Variants in GPC1 observed in about 807,000 individuals in gnomAD.
GPC1 encodes the protein glypican 1.
GPC1 carries 26 observed loss-of-function variants against 51.5 expected under a neutral mutation model. The observed-to-expected ratio is 0.50, with a 90% CI of 0.37 to 0.70. The LOEUF (loss-of-function observed/expected upper bound fraction) is 0.70, where lower values mean the gene tolerates loss of function less well. Among genes scored for constraint, GPC1 ranks in the 30% least tolerant of loss-of-function variants. The pLI is 0.00. For synonymous variants in GPC1, 380 were observed against 348.3 expected, an observed-to-expected ratio of 1.09 and a Z score of -1.01; for missense variants, 775 against 800.5, an observed-to-expected ratio of 0.97 and a Z score of 0.38.
rs1010453625 is a variant in GPC1, at chr2:240,448,713, C to T, written c.167-10317C>T. On this transcript the variant is annotated intron_variant, in intron 1 of 8. Transcript: ENST00000264039. This position sits in a 1 kb window ranked among gnomAD's most constrained non-coding sequence, Gnocchi z 4.5. ...CTGGGCTGGGAGCCCTGGGCGTTCT[C>T]GGTGGTGGGCTGTGTGACCAGCAGC... 3.9e-5 allele frequency among the ~76,000 whole-genome samples: 6 copies of T among 152,048 alleles called. No homozygotes were observed. Among genetic ancestry groups the T allele is most frequent in the South Asian group, 2.1e-4 (1 of 4,808 alleles).
chr2:240,458,803 C>T (rs1168797954), intron 1 of GPC1: 1 of 540,080 alleles, frequency 1.9e-6, no homozygotes, highest in Admixed American at 3.3e-5. Context: ...GTAGAGGCAG[C>T]CGTGCTCTTG....
chr2:240,462,483 G>A lies in GPC1; in HGVS notation c.618G>A (p.Pro206=), dbSNP rs748363621. The A allele has an allele frequency of 2.7e-5, 44 of 1,601,042 alleles. No homozygotes were observed. Among genetic ancestry groups the A allele is most frequent in the Non-Finnish European group, 3.1e-5 (36 of 1,175,422 alleles). ...CGCTGCGGCCCTTCGGGGAGGCCCC[G>A]AGAGAGCTGCGCCTGCGGGCCACCC... The part of the protein sequence containing the change: ...AEALRPFGEA[P]RELRLRATRA... Residue 206 remains proline (P), a synonymous_variant, in exon 3 of 9, where the codon CCG becomes CCA. Coordinates refer to ENST00000264039, the MANE Select transcript of GPC1 (RefSeq NM_002081.3).
chr2:240,454,586 G>A (rs982450990), intron 1 of GPC1, among the ~76,000 whole-genome samples: 5 of 152,250 alleles, frequency 3.3e-5, no homozygotes, highest in East Asian at 3.8e-4. Flanking sequence ...GGGGGGCTGC[G>A]GTGCCTGGAG....
Position 240,435,823 on chromosome 2 carries a change from C to A in GPC1, c.-96C>A. On this transcript the variant is annotated 5_prime_UTR_variant, in exon 1 of 9. Transcript: ENST00000264039. ...GGACCGCGAGCCGCGCGCGCCGGGA[C>A]CTTGGCTCTGCCCTTCGCGGGCGGG... The A allele has an allele frequency of 1.2e-6, 1 of 802,872 alleles. No homozygotes were observed. The highest frequency in any genetic ancestry group is 6.1e-5 in the South Asian group (1 of 16,496). The allele number at this position is 802,872 out of a possible 1,614,324, so 49.7% of individuals were successfully genotyped here. A position where few individuals can be genotyped will look rare whatever the true frequency, so the allele number is the denominator to read the frequency against.
intron 1 of GPC1, among the ~76,000 whole-genome samples, chr2:240,443,127 G>A (rs562588910): frequency 3.9e-5 from 6 of 152,386 alleles, no homozygotes; most frequent in Non-Finnish European, 5.9e-5. Flanking sequence ...TGAGGATGCC[G>A]CCGCCTGTGC....
intron 4 of GPC1, 118 bp from the exon 5 acceptor site, chr2:240,464,498 C>A: frequency 7.3e-7 from 1 of 1,370,350 alleles, no homozygotes; most frequent in Non-Finnish European, 1.0e-6. Context: ...ATCTCCCATG[C>A]TGACCCGTGC....
chr2:240,450,711 G>C (rs1434777279), intron 1 of GPC1: 1 of 468,712 alleles, frequency 2.1e-6, no homozygotes, highest in South Asian at 1.6e-5. Flanking sequence ...GGCCATGCTG[G>C]CAGTGGGTCG....
chr2:240,462,080 T>A, intron 2 of GPC1, 111 bp from the exon 3 acceptor site: 1 of 1,063,264 alleles, frequency 9.4e-7, no homozygotes, highest in Non-Finnish European at 1.3e-6. Flanking sequence ...GACTCCGAGG[T>A]CCTCAGAGTG....
At chr2:240,446,657 C>A (rs982239616) in intron 1 of GPC1, among the ~76,000 whole-genome samples, 6 of 152,202 alleles carry the variant, frequency 3.9e-5, no homozygotes, top group African/African-American at 1.4e-4. Flanking sequence ...CCTCGGCCTC[C>A]CATGCTGCCT....
chr2:240,456,122 T>G, intron 1 of GPC1: 1 of 278,718 alleles, frequency 3.6e-6, no homozygotes, highest in African/African-American at 2.4e-5. Flanking sequence ...CTGGGCGAGT[T>G]GGCCGGGCGG....
At chr2:240,440,813 AGCTCCTCCTGGCCG>A (rs2074012597) in intron 1 of GPC1, among the ~76,000 whole-genome samples, 4 of 151,876 alleles carry the variant, frequency 2.6e-5, no homozygotes, top group African/African-American at 9.7e-5. Flanking sequence ...GGTCTTGCCC[AGCTCCTCCTGGCCG>A]TGCCGCCCAG....
rs955788025 is a variant in GPC1 at position 240,448,255 on chromosome 2, G to A, written c.167-10775G>A. Among the ~76,000 whole-genome samples the A allele has an allele frequency of 1.6e-4, 24 of 152,114 alleles. No homozygotes were observed. Among genetic ancestry groups the A allele is most frequent in the Non-Finnish European group, 2.9e-4 (20 of 67,998 alleles). ...TTCCCCTACGGGATGGGGCTGGTTC[G>A]TTCCCCCAGGCTGTCTGCCTCCTGG... On this transcript the variant is annotated intron_variant, in intron 1 of 8. Coordinates refer to ENST00000264039, the MANE Select transcript of GPC1 (RefSeq NM_002081.3). This position sits in a 1 kb window ranked among gnomAD's most constrained non-coding sequence, Gnocchi z 4.5.
chr2:240,439,173 G>T lies in GPC1; in HGVS notation c.166+3089G>T, dbSNP rs561799256. ...GGCACCTGAGCTCCCTGGTCGCTGG[G>T]ACCACCTCTAACTGTTTCCCTGTTG... On this transcript the variant is annotated intron_variant, in intron 1 of 8. Coordinates refer to ENST00000264039, the MANE Select transcript of GPC1 (RefSeq NM_002081.3). Among the ~76,000 whole-genome samples, 201 of 152,204 alleles carry T rather than the reference G, an allele frequency of 1.3e-3. 1 individual carries two copies. Among genetic ancestry groups the T allele is most frequent in the African/African-American group, 4.5e-3 (185 of 41,526 alleles).
intron 3 of GPC1, among the ~76,000 whole-genome samples, chr2:240,462,925 G>C (rs2074228910): frequency 6.6e-6 from 1 of 152,184 alleles, no homozygotes. Flanking sequence ...CAACATGCGT[G>C]GGGGCCGGGC....
chr2:240,464,491 T>G (rs2074243145), intron 4 of GPC1, 125 bp from the exon 5 acceptor site: 1 of 1,306,912 alleles, frequency 7.7e-7, no homozygotes. Context: ...ACGTGGGATC[T>G]CCCATGCTGA....
At chr2:240,461,748 C>T (rs770275196) in intron 2 of GPC1, among the ~76,000 whole-genome samples, 7 of 152,090 alleles carry the variant, frequency 4.6e-5, no homozygotes, top group Non-Finnish European at 8.8e-5. Flanking sequence ...GCGGCTGGGG[C>T]CACGGGGAGC....
intron 8 of GPC1, 48 bp downstream of exon 8, chr2:240,465,696 G>T (rs764161094): frequency 2.6e-6 from 4 of 1,539,078 alleles, no homozygotes; most frequent in African/African-American, 1.4e-5. Context: ...GGTTGGTGGG[G>T]GTGCCACAGG....
intron 1 of GPC1, among the ~76,000 whole-genome samples, chr2:240,445,534 G>A (rs1450263130): frequency 1.3e-5 from 2 of 152,192 alleles, no homozygotes; most frequent in Non-Finnish European, 2.9e-5. Flanking sequence ...ACCACTCAGC[G>A]CCAGGTGCTG....
chr2:240,460,563 C>T (rs1335887213), intron 2 of GPC1, among the ~76,000 whole-genome samples: 1 of 152,174 alleles, frequency 6.6e-6, no homozygotes, highest in East Asian at 1.9e-4. Context: ...CCGCCTGCTT[C>T]CTCCTGGCTC....
Sources: allele counts gnomAD v4.1 joint callset (sites outside exome capture counted in the v4.1 genomes callset), GRCh38; gene constraint gnomAD v4.1.1; non-coding constraint Gnocchi (gnomAD v3.1); transcripts MANE v1.5; gene names NCBI Gene and HGNC (gene_info 2026-07-23, HGNC 2026-07-21).